Variants in ACYP2 observed in about 807,000 individuals in gnomAD.
The protein encoded by ACYP2 is acylphosphatase 2.
ACYP2 carries 12 observed loss-of-function variants against 11.2 expected under a neutral mutation model. That is an observed-to-expected ratio of 1.08 (90% CI 0.69 to 1.74). The LOEUF (loss-of-function observed/expected upper bound fraction) is 1.74, where lower values mean the gene tolerates loss of function less well. Ranked by LOEUF, ACYP2 falls within the 40% of genes most tolerant of loss-of-function variation. ACYP2 has a pLI of 0.00. For synonymous variants in ACYP2, 43 were observed against 32.2 expected, an observed-to-expected ratio of 1.33 and a Z score of -1.13; for missense variants, 134 against 101.9, an observed-to-expected ratio of 1.31 and a Z score of -1.35.
At chr2:54,012,793 C>T (rs1673447678) in intron 2 of ACYP2, among the ~76,000 whole-genome samples, 1 of 152,120 alleles carries the variant, frequency 6.6e-6, no homozygotes, top group Non-Finnish European at 1.5e-5. Flanking sequence ...CCAGAGTTTT[C>T]CTATTAAAAG....
At chr2:54,293,068 A>G (rs1459942991) in intron 6 of ACYP2, among the ~76,000 whole-genome samples, 1 of 152,156 alleles carries the variant, frequency 6.6e-6, no homozygotes, top group Non-Finnish European at 1.5e-5. Flanking sequence ...CACTTTACAG[A>G]TTATTTTATT....
chr2:54,196,955 G>A (rs1247528348), intron 6 of ACYP2, among the ~76,000 whole-genome samples: 1 of 152,204 alleles, frequency 6.6e-6, no homozygotes, highest in Non-Finnish European at 1.5e-5. Context: ...ACCATGATGA[G>A]AACTGTCCAC....
chr2:54,010,141 A>G (rs1673280035), intron 2 of ACYP2, among the ~76,000 whole-genome samples: 1 of 152,174 alleles, frequency 6.6e-6, no homozygotes, highest in African/African-American at 2.4e-5. Flanking sequence ...AGGAAGGTGG[A>G]TGGTAACAAG....
At chr2:54,304,541 A>G in intron 6 of ACYP2, 147 bp from the exon 4 acceptor site, 1 of 573,980 alleles carries the variant, frequency 1.7e-6, no homozygotes, top group Admixed American at 3.0e-5. Flanking sequence ...AGAGTGATAT[A>G]TACAATGTAA....
intron 6 of ACYP2, among the ~76,000 whole-genome samples, chr2:54,210,035 G>A (rs561851848): frequency 5.3e-5 from 8 of 151,282 alleles, no homozygotes; most frequent in South Asian, 4.2e-4. Context: ...CAGATATTCC[G>A]GAGGCTGAGG....
chr2:54,247,100 T>G (rs554704319), intron 6 of ACYP2, among the ~76,000 whole-genome samples: 25 of 152,318 alleles, frequency 1.6e-4, no homozygotes, highest in African/African-American at 5.5e-4. Flanking sequence ...GTCTCTTAGG[T>G]CTTATAGCAG....
At chr2:54,032,071 T>C (rs543462880) in intron 2 of ACYP2, among the ~76,000 whole-genome samples, 1 of 152,344 alleles carries the variant, frequency 6.6e-6, no homozygotes, top group Admixed American at 6.5e-5. Context: ...TCCCATTTTG[T>C]AGGTTGCCTG....
At chr2:54,127,015 T>A (rs1290031560) in intron 4 of ACYP2, among the ~76,000 whole-genome samples, 1 of 151,276 alleles carries the variant, frequency 6.6e-6, no homozygotes, top group African/African-American at 2.4e-5. Flanking sequence ...TATAGGCAGT[T>A]GCATGGAGGT....
At chr2:54,109,858 C>T (rs1679365813) in intron 4 of ACYP2, among the ~76,000 whole-genome samples, 1 of 151,988 alleles carries the variant, frequency 6.6e-6, no homozygotes, top group Admixed American at 6.6e-5. Flanking sequence ...ATATTTGTTG[C>T]AATTAATGAA....
intron 6 of ACYP2, among the ~76,000 whole-genome samples, chr2:54,214,808 G>C (rs1685491488): frequency 6.6e-6 from 1 of 152,182 alleles, no homozygotes; most frequent in African/African-American, 2.4e-5. Flanking sequence ...TAGTTTGATA[G>C]GAATGGCATC....
intron 4 of ACYP2, among the ~76,000 whole-genome samples, chr2:54,092,977 C>T (rs1427976030): frequency 6.6e-6 from 1 of 152,166 alleles, no homozygotes; most frequent in Non-Finnish European, 1.5e-5. Flanking sequence ...GGGGTACAAT[C>T]GTTCAGAGTA....
At chr2:54,223,745 T>C (rs1685893298) in intron 6 of ACYP2, among the ~76,000 whole-genome samples, 1 of 152,228 alleles carries the variant, frequency 6.6e-6, no homozygotes, top group Non-Finnish European at 1.5e-5. Context: ...TCATTTCTAA[T>C]ATAATTTTAA....
At chr2:54,048,641 C>T (rs1332837664) in intron 2 of ACYP2, among the ~76,000 whole-genome samples, 3 of 152,172 alleles carry the variant, frequency 2.0e-5, no homozygotes, top group East Asian at 1.9e-4. Context: ...GCTGTGATTA[C>T]AGGCACATGC....
rs941347422 is a variant in ACYP2 at position 54,144,165 on chromosome 2, G to T, written c.404+5417G>T. On this transcript the variant is annotated intron_variant, in intron 6 of 6. Transcript: ENST00000607452. ...TTAAAAATTTTTTTGTGGAGGTGAG[G>T]TCTCATTACGTTGCCCAGGCTGGTG... Among the ~76,000 whole-genome samples, 3 of 151,922 alleles carry T rather than the reference G, an allele frequency of 2.0e-5. No homozygotes were observed. In the South Asian group the frequency reaches 6.2e-4, roughly 32 times the overall value.
intron 6 of ACYP2, chr2:54,256,145 G>C: frequency 2.5e-6 from 4 of 1,611,152 alleles, no homozygotes; most frequent in African/African-American, 1.3e-5. Flanking sequence ...CTCTCCGGGA[G>C]GCTCATGTTG....
At chr2:54,135,058 C>T (rs970115520) in intron 4 of ACYP2, among the ~76,000 whole-genome samples, 1 of 152,150 alleles carries the variant, frequency 6.6e-6, no homozygotes, top group African/African-American at 2.4e-5. Flanking sequence ...GGCGCATTTG[C>T]CAGCATCACT....
rs529627932 is a variant in ACYP2, at chr2:54,283,342, C to G, written c.405-21346C>G. ...AATTCATTGAACACCTTGTCAACCCCTGGGCTGAGCATTGAGGGCAGAGAT... is the reference window on the plus strand; with the variant it reads ...AATTCATTGAACACCTTGTCAACCCGTGGGCTGAGCATTGAGGGCAGAGAT... On this transcript the variant is annotated intron_variant, in intron 6 of 6. Coordinates refer to ENST00000607452, the MANE Select transcript of ACYP2 (RefSeq NM_001320586.2). Among the ~76,000 whole-genome samples the G allele has an allele frequency of 5.3e-5, 8 of 152,282 alleles. No homozygotes were observed. In the East Asian group the frequency reaches 1.5e-3, roughly 29 times the overall value.
At chr2:54,185,189 C>T (rs982244538) in intron 6 of ACYP2, among the ~76,000 whole-genome samples, 2 of 152,142 alleles carry the variant, frequency 1.3e-5, no homozygotes, top group Non-Finnish European at 2.9e-5. Flanking sequence ...TTTCCTTAGT[C>T]GTGATTGATA....
intron 4 of ACYP2, among the ~76,000 whole-genome samples, chr2:54,108,816 C>T (rs1344551636): frequency 6.6e-6 from 1 of 152,148 alleles, no homozygotes; most frequent in Non-Finnish European, 1.5e-5. Flanking sequence ...CACTCAATAC[C>T]TTCAGATGCC....
Sources: allele counts gnomAD v4.1 joint callset (sites outside exome capture counted in the v4.1 genomes callset), GRCh38; gene constraint gnomAD v4.1.1; transcripts MANE v1.5; gene names NCBI Gene and HGNC (gene_info 2026-07-23, HGNC 2026-07-21).